Variants in CPEB1 observed in about 807,000 individuals in gnomAD.
CPEB1 encodes the protein cytoplasmic polyadenylation element-binding protein 1.
CPEB1 carries 7 observed loss-of-function variants against 65.8 expected under a neutral mutation model. The ratio of observed to expected loss-of-function variants is 0.11; its 90% CI spans 0.06 to 0.20. The LOEUF (loss-of-function observed/expected upper bound fraction) is 0.20. Ranked by LOEUF, CPEB1 falls within the 10% of genes least tolerant of loss-of-function variation. CPEB1 has a pLI of 1.00. For missense variants in CPEB1, 551 were observed against 712.2 expected, an observed-to-expected ratio of 0.77 and a Z score of 2.58; for synonymous variants, 262 against 260.0, an observed-to-expected ratio of 1.01 and a Z score of -0.08.
At chr15:82,615,263 G>A (rs2044607774) in intron 3 of CPEB1, among the ~76,000 whole-genome samples, 1 of 152,106 alleles carries the variant, frequency 6.6e-6, no homozygotes, top group South Asian at 2.1e-4. Context: ...ACCACATGAT[G>A]GATCCACAAA....
intron 1 of CPEB1, among the ~76,000 whole-genome samples, chr15:82,645,678 G>A (rs1178538275): frequency 6.6e-6 from 1 of 151,902 alleles, no homozygotes; most frequent in East Asian, 2.0e-4. Context: ...GACCATCCTG[G>A]CTAACATGCT....
chr15:82,552,931 A>C (rs1375643607), intron 8 of CPEB1, among the ~76,000 whole-genome samples: 1 of 152,244 alleles, frequency 6.6e-6, no homozygotes, highest in African/African-American at 2.4e-5. Flanking sequence ...GTGGCAGGAA[A>C]GATGGCAGGT....
chr15:82,577,376 A>C (rs2040770661), intron 3 of CPEB1, among the ~76,000 whole-genome samples: 1 of 151,938 alleles, frequency 6.6e-6, no homozygotes, highest in Non-Finnish European at 1.5e-5. Flanking sequence ...TGTATTTTTA[A>C]ACTAACTTAA....
chr15:82,579,185 G>C (rs959741015), intron 3 of CPEB1, among the ~76,000 whole-genome samples: 8 of 152,168 alleles, frequency 5.3e-5, no homozygotes, highest in Non-Finnish European at 1.0e-4. Context: ...TTCCAGGCTA[G>C]GTGTGGTGGC....
chr15:82,629,011 G>C (rs971257408), intron 1 of CPEB1: 2 of 156,152 alleles, frequency 1.3e-5, no homozygotes, highest in Non-Finnish European at 1.4e-5. Flanking sequence ...TTTGACTGTG[G>C]GGGTTGGTCC....
At chr15:82,614,289 G>A (rs1030839942) in intron 3 of CPEB1, among the ~76,000 whole-genome samples, 1 of 152,218 alleles carries the variant, frequency 6.6e-6, no homozygotes, top group Non-Finnish European at 1.5e-5. Flanking sequence ...ACAGGCACGA[G>A]CCACTGCACC....
chr15:82,639,849 ACTCTCTCTCT>A (rs112948983), intron 1 of CPEB1, among the ~76,000 whole-genome samples: 14 of 145,890 alleles, frequency 9.6e-5, no homozygotes, highest in East Asian at 2.0e-4. Context: ...ACGCGCAAAC[ACTCTCTCTCT>A]CTCTCTCTCT....
intron 1 of CPEB1, among the ~76,000 whole-genome samples, chr15:82,635,360 C>A (rs567515222): frequency 1.3e-5 from 2 of 152,220 alleles, no homozygotes; most frequent in South Asian, 4.1e-4. Flanking sequence ...GTCTTCTAGC[C>A]AAATTTCTCT....
chr15:82,546,993 C>T (rs1265783429), intron 11 of CPEB1, 150 bp downstream of exon 11: 21 of 597,872 alleles, frequency 3.5e-5, no homozygotes, highest in Non-Finnish European at 6.3e-5. Flanking sequence ...ACTCCCAAAC[C>T]CTAACCTCAA....
At chr15:82,614,203 T>C (rs1482604243) in intron 3 of CPEB1, among the ~76,000 whole-genome samples, 2 of 152,142 alleles carry the variant, frequency 1.3e-5, no homozygotes. Flanking sequence ...GCAGCAGCAT[T>C]ATCACAGCTC....
chr15:82,608,893 C>T (rs1475758753), intron 3 of CPEB1, among the ~76,000 whole-genome samples: 1 of 152,078 alleles, frequency 6.6e-6, no homozygotes, highest in African/African-American at 2.4e-5. Context: ...GAAGAATACA[C>T]AATCTTAAGT....
intron 3 of CPEB1, among the ~76,000 whole-genome samples, chr15:82,590,894 A>G (rs1596073880): frequency 6.6e-6 from 1 of 152,194 alleles, no homozygotes. Context: ...TACATACTAC[A>G]TTTTCTTTAT....
At chr15:82,623,815 G>A (rs562741862) in intron 3 of CPEB1, among the ~76,000 whole-genome samples, 4 of 151,142 alleles carry the variant, frequency 2.6e-5, no homozygotes, top group East Asian at 1.9e-4. Flanking sequence ...TTTACACTTC[G>A]CTTTTTTTCA....
At chr15:82,590,401 GA>G (rs893935469) in intron 3 of CPEB1, among the ~76,000 whole-genome samples, 1 of 151,900 alleles carries the variant, frequency 6.6e-6, no homozygotes. Context: ...TACAATTTTA[GA>G]GCATTCCATC....
Position 82,556,013 on chromosome 15 carries a change from G to C in CPEB1, c.797C>G (p.Ala266Gly), listed in dbSNP as rs772436267. ...VGSRMDQEQA[A>G]LAAVTPSPTS... ...TGGGGAGGGAGTGACTGCAGCAAGA[G>C]CAGCTTGCTCTTGGTCCATCCGAGA... is the stretch of plus-strand genomic sequence containing the variant. The change falls in exon 6 of 13, where the codon GCT becomes GGT. Residue 266 changes from alanine to glycine, a missense_variant. Coordinates refer to ENST00000684509, the MANE Select transcript of CPEB1 (RefSeq NM_001365242.1). The C allele has an allele frequency of 6.2e-7, 1 of 1,613,754 alleles. No homozygotes were observed. Among genetic ancestry groups the C allele is most frequent in the Non-Finnish European group, 8.5e-7 (1 of 1,179,866 alleles).
In CPEB1 at chr15:82,553,930, G is replaced by A; in HGVS notation, c.1002C>T (p.Pro334=). 1 of 1,612,676 alleles carries A rather than the reference G, an allele frequency of 6.2e-7. No individual in the cohort carries two copies. Among genetic ancestry groups the A allele is most frequent in the Non-Finnish European group, 8.5e-7 (1 of 1,179,426 alleles). The change falls in exon 7 of 13, where the codon CCC becomes CCT. Residue 334 remains proline, a synonymous_variant. Coordinates refer to ENST00000684509, the MANE Select transcript of CPEB1 (RefSeq NM_001365242.1). ...CTAGAAACACCTTGCAAGAGTAGAT[G>A]GGGTTCTTATAGTTCCGGGGAGGAA... ...GQLPPRNYKN[P]IYSCKVFLGG...
At position 82,601,497 on chromosome 15, in the gene CPEB1, C is replaced by T. The variant is rs562161321; in HGVS notation, c.271+25696G>A. The stretch of plus-strand genomic sequence containing the variant: ...CGGAGGTTGCAGTGACCTGAGATCA[C>T]GCCACTGCACTCCAGCCTGGGCAAC... On this transcript the variant is annotated intron_variant, in intron 3 of 12. Transcript: ENST00000684509. Among the ~76,000 whole-genome samples, 263 of 152,150 alleles carry T rather than the reference C, an allele frequency of 1.7e-3. 1 individual carries two copies. The highest frequency in any genetic ancestry group is 6.1e-3 in the African/African-American group (253 of 41,506).
chr15:82,607,760 G>C (rs973140543), intron 3 of CPEB1, among the ~76,000 whole-genome samples: 1 of 152,024 alleles, frequency 6.6e-6, no homozygotes, highest in Non-Finnish European at 1.5e-5. Context: ...TATAATAAAA[G>C]GGTTAATCTA....
rs767043771 is a variant in CPEB1, at chr15:82,627,396, G to A, written c.97-29C>T. ...GACACAGAAAAAAAAAGATATTTAG[G>A]TTTTCTACACTCCTTTATGACCCCC... is the stretch of plus-strand genomic sequence containing the variant. On this transcript the variant is annotated intron_variant, in intron 2 of 12. Transcript: ENST00000684509. 20 of 1,563,340 alleles carry A rather than the reference G, an allele frequency of 1.3e-5. 1 individual carries two copies. In the South Asian group the frequency reaches 1.9e-4, roughly 15 times the overall value.
Sources: allele counts gnomAD v4.1 joint callset (sites outside exome capture counted in the v4.1 genomes callset), GRCh38; gene constraint gnomAD v4.1.1; transcripts MANE v1.5; gene names NCBI Gene and HGNC (gene_info 2026-07-23, HGNC 2026-07-21).